The following IMMP2L variants were observed in gnomAD, a reference collection of about 807,000 sequenced individuals.
IMMP2L encodes mitochondrial inner membrane protease subunit 2.
Under a neutral mutation model 19.3 loss-of-function variants are expected in IMMP2L, and 18 were observed. The ratio of observed to expected loss-of-function variants is 0.93; its 90% CI spans 0.64 to 1.38. IMMP2L has a LOEUF of 1.38. Among genes scored for constraint, IMMP2L ranks in the 40% most tolerant of loss-of-function variants. The pLI, the probability that IMMP2L is intolerant of heterozygous loss-of-function variation, is 0.00. For synonymous variants in IMMP2L, 76 were observed against 73.0 expected (o/e 1.04, Z -0.21); for missense variants, 233 against 218.2 (o/e 1.07, Z -0.43).
At chr7:111,523,946 A>G (rs568488491) in intron 1 of IMMP2L, among the ~76,000 whole-genome samples, 1 of 152,248 alleles carries the variant, frequency 6.6e-6, no homozygotes, top group Non-Finnish European at 1.5e-5. Context: ...CCTAGAATCA[A>G]AACACCTTTA....
intron 3 of IMMP2L, among the ~76,000 whole-genome samples, chr7:111,223,663 C>A (rs1226348259): frequency 6.6e-6 from 1 of 152,170 alleles, no homozygotes; most frequent in South Asian, 2.1e-4. Flanking sequence ...AGCAAATCTC[C>A]ATTCTCTGTA....
intron 5 of IMMP2L, among the ~76,000 whole-genome samples, chr7:110,692,054 C>A (rs1460122764): frequency 6.6e-6 from 1 of 152,092 alleles, no homozygotes; most frequent in Non-Finnish European, 1.5e-5. Flanking sequence ...ATGGAACCAA[C>A]CTAAATGCTC....
intron 3 of IMMP2L, among the ~76,000 whole-genome samples, chr7:111,055,173 C>G (rs1322155535): frequency 6.6e-6 from 1 of 152,064 alleles, no homozygotes; most frequent in Non-Finnish European, 1.5e-5. Flanking sequence ...ATCTCAGCCT[C>G]CGAGTAGCTG....
At chr7:111,243,526 T>A (rs530676789) in intron 3 of IMMP2L, among the ~76,000 whole-genome samples, 6,418 of 150,500 alleles carry the variant, frequency 0.043, 205 homozygotes, top group South Asian at 0.083. Flanking sequence ...TTTTTTTTTT[T>A]TTATTATACT....
chr7:111,069,805 A>T (rs2129575238), intron 3 of IMMP2L, among the ~76,000 whole-genome samples: 1 of 152,146 alleles, frequency 6.6e-6, no homozygotes, highest in East Asian at 1.9e-4. Flanking sequence ...AAAAAAATTG[A>T]CCCCCAGGAT....
At chr7:111,043,483 T>A (rs1275206481) in intron 3 of IMMP2L, among the ~76,000 whole-genome samples, 2 of 152,240 alleles carry the variant, frequency 1.3e-5, no homozygotes. Flanking sequence ...AAATTTGACA[T>A]CTGCCAGTTC....
At chr7:111,295,020 C>T (rs1398069450) in intron 3 of IMMP2L, among the ~76,000 whole-genome samples, 4 of 151,626 alleles carry the variant, frequency 2.6e-5, no homozygotes, top group Non-Finnish European at 4.4e-5. Flanking sequence ...AACATCTGTT[C>T]GATACAAGTT....
chr7:111,184,239 A>G (rs1808026713), intron 3 of IMMP2L, among the ~76,000 whole-genome samples: 1 of 151,998 alleles, frequency 6.6e-6, no homozygotes, highest in East Asian at 1.9e-4. Context: ...TAGGGGGGAA[A>G]ATAATGGAAA....
At chr7:111,024,146 T>C (rs887180923) in intron 3 of IMMP2L, among the ~76,000 whole-genome samples, 5 of 152,188 alleles carry the variant, frequency 3.3e-5, no homozygotes, top group Admixed American at 1.3e-4. Context: ...ATAGGTAAAA[T>C]TCTTGGGGCA....
intron 3 of IMMP2L, among the ~76,000 whole-genome samples, chr7:111,028,275 AT>A (rs1409836339): frequency 6.6e-6 from 1 of 152,086 alleles, no homozygotes; most frequent in Non-Finnish European, 1.5e-5. Context: ...AGTCTGTCAT[AT>A]TTTATGAGAT....
chr7:111,327,245 T>A (rs937440828), intron 3 of IMMP2L, among the ~76,000 whole-genome samples: 7 of 151,586 alleles, frequency 4.6e-5, no homozygotes, highest in Non-Finnish European at 8.9e-5. Flanking sequence ...GAGGGAAAAA[T>A]GAGAAGTTGC....
chr7:111,030,435 T>C (rs1827292309), intron 3 of IMMP2L, among the ~76,000 whole-genome samples: 1 of 152,192 alleles, frequency 6.6e-6, no homozygotes. Context: ...CTTAGTTTTA[T>C]TATTATGAAG....
At chr7:111,056,519 C>T (rs1387043701) in intron 3 of IMMP2L, among the ~76,000 whole-genome samples, 1 of 152,164 alleles carries the variant, frequency 6.6e-6, no homozygotes, top group Non-Finnish European at 1.5e-5. Flanking sequence ...AGGTAAAGCC[C>T]TTTCGTAATA....
chr7:110,799,648 G>A (rs375352029), intron 5 of IMMP2L, among the ~76,000 whole-genome samples: 1 of 152,080 alleles, frequency 6.6e-6, no homozygotes, highest in Middle Eastern at 3.4e-3. Context: ...ATAATTTCTG[G>A]AAGAAAAGAT....
chr7:111,377,520 G>A (rs1000088127), intron 3 of IMMP2L, among the ~76,000 whole-genome samples: 1 of 151,824 alleles, frequency 6.6e-6, no homozygotes, highest in African/African-American at 2.4e-5. Context: ...TGTCATTCTA[G>A]TACGGCTGTC....
At chr7:111,250,868 C>G (rs1816027604) in intron 3 of IMMP2L, among the ~76,000 whole-genome samples, 1 of 152,202 alleles carries the variant, frequency 6.6e-6, no homozygotes, top group Admixed American at 6.5e-5. Context: ...GACAAAAACA[C>G]CAAAAGCCAC....
At chr7:110,997,481 A>G (rs1823163207) in intron 3 of IMMP2L, among the ~76,000 whole-genome samples, 1 of 152,126 alleles carries the variant, frequency 6.6e-6, no homozygotes, top group Non-Finnish European at 1.5e-5. Flanking sequence ...CATCCCCACA[A>G]GCAATGCAGG....
intron 3 of IMMP2L, among the ~76,000 whole-genome samples, chr7:111,324,499 G>A (rs1304217954): frequency 6.6e-6 from 1 of 151,766 alleles, no homozygotes; most frequent in African/African-American, 2.4e-5. Flanking sequence ...TTAAGTTGAG[G>A]CAAGTCACTC....
At position 110,803,534 on chromosome 7, in the gene IMMP2L, G is replaced by C. The variant is rs966113186; in HGVS notation, c.408+83059C>G. The stretch of plus-strand genomic sequence containing the variant: ...AGGAGAAAGGAGAATGAGGCTGAGA[G>C]GGAAGTCAGTTGACACCACTAGGAG... On this transcript the variant is annotated intron_variant, in intron 5 of 5. Coordinates refer to ENST00000405709, the MANE Select transcript of IMMP2L (RefSeq NM_032549.4). This position sits in a 1 kb window ranked among gnomAD's most constrained non-coding sequence, Gnocchi z 4.2. Among the ~76,000 whole-genome samples the C allele has an allele frequency of 1.3e-5, 2 of 151,988 alleles. No individual in the cohort carries two copies. Among genetic ancestry groups the C allele is most frequent in the Admixed American group, 6.6e-5 (1 of 15,244 alleles).
Sources: gnomAD v4.1 joint callset for allele counts (sites outside exome capture counted in the v4.1 genomes callset) on GRCh38, gnomAD v4.1.1 for gene constraint, Gnocchi (gnomAD v3.1) non-coding constraint, MANE v1.5 for transcripts, NCBI Gene and HGNC (gene_info 2026-07-23, HGNC 2026-07-21) for gene names.